PTPRK: variants seen among roughly 807,000 people sequenced by gnomAD.
PTPRK encodes the protein protein tyrosine phosphatase receptor type K.
In PTPRK, 75 loss-of-function variants were observed where a neutral mutation model predicts 178.0. The observed-to-expected ratio is 0.42, with a 90% CI of 0.35 to 0.51. The LOEUF (loss-of-function observed/expected upper bound fraction) is 0.51, where lower values mean the gene tolerates loss of function less well. Among genes scored for constraint, PTPRK ranks in the 20% least tolerant of loss-of-function variants. The pLI is 0.02. For missense variants in PTPRK, 1,441 were observed against 1,797.8 expected, an observed-to-expected ratio of 0.80 and a Z score of 3.59; for synonymous variants, 637 against 620.6, an observed-to-expected ratio of 1.03 and a Z score of -0.39.
intron 2 of PTPRK, among the ~76,000 whole-genome samples, chr6:128,354,239 T>A (rs1192041586): frequency 1.1e-5 from 1 of 88,308 alleles, no homozygotes; most frequent in African/African-American, 4.2e-5. Flanking sequence ...ATGTTTTTTT[T>A]TTTTTTTTTT....
chr6:128,414,368 G>A (rs1047028258), intron 1 of PTPRK, among the ~76,000 whole-genome samples: 2 of 152,036 alleles, frequency 1.3e-5, no homozygotes, highest in Non-Finnish European at 2.9e-5. Context: ...TTCCTAGTGC[G>A]GCAGTTCTTT....
At chr6:128,446,338 T>C (rs1418224294) in intron 1 of PTPRK, among the ~76,000 whole-genome samples, 1 of 152,190 alleles carries the variant, frequency 6.6e-6, no homozygotes, top group African/African-American at 2.4e-5. Context: ...GAAGATAAAC[T>C]GTATTTGTAA....
At chr6:128,216,827 T>C (rs1253213118) in intron 6 of PTPRK, among the ~76,000 whole-genome samples, 1 of 151,824 alleles carries the variant, frequency 6.6e-6, no homozygotes, top group Non-Finnish European at 1.5e-5. Flanking sequence ...AGGGAGCACC[T>C]GGATAAAAGC....
At chr6:128,221,418 G>T (rs1056890899) in intron 5 of PTPRK, among the ~76,000 whole-genome samples, 1 of 151,752 alleles carries the variant, frequency 6.6e-6, no homozygotes. Flanking sequence ...CAGCTACTTG[G>T]GAGGCTGAGG....
intron 2 of PTPRK, among the ~76,000 whole-genome samples, chr6:128,335,200 T>C (rs1045215213): frequency 1.3e-5 from 2 of 152,148 alleles, no homozygotes; most frequent in Non-Finnish European, 2.9e-5. Flanking sequence ...CTCTCTACCA[T>C]CTTACTGATG....
chr6:128,262,585 C>A (rs1367776602), intron 3 of PTPRK, among the ~76,000 whole-genome samples: 4 of 151,984 alleles, frequency 2.6e-5, no homozygotes, highest in Non-Finnish European at 5.9e-5. Context: ...GGGGGCAAGG[C>A]AAAGAAGGAG....
intron 7 of PTPRK, among the ~76,000 whole-genome samples, chr6:128,104,668 A>C (rs1789387049): frequency 6.6e-6 from 1 of 152,196 alleles, no homozygotes; most frequent in Non-Finnish European, 1.5e-5. Context: ...TGACCTACAC[A>C]TTTTTACTGA....
At chr6:128,506,031 A>G (rs1392799607) in intron 1 of PTPRK, among the ~76,000 whole-genome samples, 2 of 150,428 alleles carry the variant, frequency 1.3e-5, no homozygotes, top group Non-Finnish European at 2.9e-5. Flanking sequence ...GTTATATAGA[A>G]TTCATAAACA....
intron 5 of PTPRK, chr6:128,238,026 T>C (rs965265255): frequency 4.4e-6 from 2 of 450,216 alleles, no homozygotes; most frequent in African/African-American, 2.0e-5. Flanking sequence ...GGAAGACTGA[T>C]GTAAGTGAAT....
At chr6:128,507,207 C>G (rs184700767) in intron 1 of PTPRK, among the ~76,000 whole-genome samples, 11 of 152,260 alleles carry the variant, frequency 7.2e-5, no homozygotes, top group African/African-American at 2.6e-4. Flanking sequence ...TTTGCTTAAA[C>G]ACAAAATGGG....
intron 1 of PTPRK, among the ~76,000 whole-genome samples, chr6:128,467,456 A>G (rs1241272338): frequency 6.6e-6 from 1 of 152,258 alleles, no homozygotes; most frequent in East Asian, 1.9e-4. Context: ...CACTCCCAGA[A>G]GAACTACATC....
intron 1 of PTPRK, among the ~76,000 whole-genome samples, chr6:128,513,353 C>T (rs997107928): frequency 1.3e-5 from 2 of 151,482 alleles, no homozygotes; most frequent in Admixed American, 6.6e-5. Flanking sequence ...GGCATGGTGG[C>T]GCACCTGTAA....
chr6:128,513,733 A>G (rs2128444704), intron 1 of PTPRK, among the ~76,000 whole-genome samples: 1 of 152,300 alleles, frequency 6.6e-6, no homozygotes, highest in East Asian at 1.9e-4. Flanking sequence ...ATTCTGATTC[A>G]GTAGATCTGG....
In PTPRK at chr6:128,116,645, G is replaced by A. The variant is rs796757552; in HGVS notation, c.1163-26653C>T. ...TCAGCAATCAACAATATGGTGCAGT[G>A]GATTAGAGGAGAGTTGTGGAATTTG... On this transcript the variant is annotated intron_variant, in intron 7 of 29. Transcript: ENST00000368226. Among the ~76,000 whole-genome samples the A allele has an allele frequency of 1.4e-4, 21 of 152,272 alleles. 1 individual carries two copies. The highest frequency in any genetic ancestry group is 4.8e-4 in the African/African-American group (20 of 41,536).
At chr6:128,148,178 AATG>A (rs1488984080) in intron 7 of PTPRK, among the ~76,000 whole-genome samples, 1 of 152,154 alleles carries the variant, frequency 6.6e-6, no homozygotes. Context: ...AACTTATTTG[AATG>A]ATGAGTATGT....
chr6:128,215,440 G>A (rs1331315307), intron 6 of PTPRK, among the ~76,000 whole-genome samples: 1 of 152,128 alleles, frequency 6.6e-6, no homozygotes, highest in Non-Finnish European at 1.5e-5. Context: ...GTAAAACACT[G>A]AGCAAAAATA....
chr6:128,463,268 T>TTCCA (rs1172841681), intron 1 of PTPRK, among the ~76,000 whole-genome samples: 2 of 152,202 alleles, frequency 1.3e-5, no homozygotes, highest in African/African-American at 4.8e-5. Context: ...AAGTTTGTCC[T>TTCCA]ATATTCTCTC....
intron 2 of PTPRK, among the ~76,000 whole-genome samples, chr6:128,384,887 A>C (rs1194900348): frequency 6.6e-6 from 1 of 151,730 alleles, no homozygotes; most frequent in Non-Finnish European, 1.5e-5. Context: ...GGTTACAAAA[A>C]TTATTCCTAA....
At chr6:128,297,332 C>G (rs1017053665) in intron 3 of PTPRK, among the ~76,000 whole-genome samples, 11 of 152,154 alleles carry the variant, frequency 7.2e-5, no homozygotes, top group Non-Finnish European at 1.6e-4. Flanking sequence ...GGAAAGTTAA[C>G]AAGGATACCC....
Sources: allele counts gnomAD v4.1 joint callset (sites outside exome capture counted in the v4.1 genomes callset), GRCh38; gene constraint gnomAD v4.1.1; transcripts MANE v1.5; gene names NCBI Gene and HGNC (gene_info 2026-07-23, HGNC 2026-07-21).